Variants in LURAP1 observed in about 807,000 individuals in gnomAD.
LURAP1 encodes leucine rich adaptor protein 1, also known as NF-kappa-B activator C1orf190.
Under a neutral mutation model 19.0 loss-of-function variants are expected in LURAP1, and 14 were observed. That is an observed-to-expected ratio of 0.74 (90% CI 0.49 to 1.15). LURAP1 has a LOEUF of 1.15. LURAP1 is among the 50% of genes most tolerant of loss of function. The pLI is 0.00. For missense variants in LURAP1, 273 were observed against 309.1 expected, an observed-to-expected ratio of 0.88 and a Z score of 0.87; for synonymous variants, 129 against 131.8, an observed-to-expected ratio of 0.98 and a Z score of 0.14.
rs956387298 is a variant in LURAP1, at chr1:46,220,376, G to T, written c.*156G>T. The T allele has an allele frequency of 1.4e-6, 1 of 739,250 alleles. No homozygotes were observed. The highest frequency in any genetic ancestry group is 2.1e-6 in the Non-Finnish European group (1 of 465,236). The allele number at this position is 739,250 out of a possible 1,614,324, so 45.8% of individuals were successfully genotyped here. A position where few individuals can be genotyped will look rare whatever the true frequency, so the allele number is the denominator to read the frequency against. ...TCATCATTTCTCTAGTCCCTAGGGA[G>T]TCTCTGCCTTTATCCCTCAATTATT... On this transcript the variant is annotated 3_prime_UTR_variant, in exon 2 of 2. Transcript: ENST00000371980.
intron 1 of LURAP1, among the ~76,000 whole-genome samples, chr1:46,213,208 C>T (rs1458873587): frequency 2.0e-5 from 3 of 151,194 alleles, no homozygotes; most frequent in Non-Finnish European, 2.9e-5. Flanking sequence ...TACGATGTTT[C>T]GATGAACAGC....
rs1457534002 is a variant in LURAP1 at position 46,221,002 on chromosome 1, C to T, written c.*782C>T. 1.3e-5 allele frequency: 2 copies of T among 152,226 alleles called. No individual in the cohort carries two copies. The highest frequency in any genetic ancestry group is 3.8e-4 in the East Asian group (2 of 5,200). The allele number at this position is 152,226 out of a possible 1,614,324, so 9.4% of individuals were successfully genotyped here. A position where few individuals can be genotyped will look rare whatever the true frequency, so the allele number is the denominator to read the frequency against. On this transcript the variant is annotated 3_prime_UTR_variant, in exon 2 of 2. Coordinates refer to ENST00000371980, the MANE Select transcript of LURAP1 (RefSeq NM_001013615.3). ...CCCAGAAGCGTTTGGGCTGGTAGAC[C>T]CACCCCTTCCTACCTGCTGAGTGAT...
At chr1:46,216,689 C>A (rs563426835) in intron 1 of LURAP1, among the ~76,000 whole-genome samples, 2 of 152,244 alleles carry the variant, frequency 1.3e-5, no homozygotes, top group Admixed American at 1.3e-4. Context: ...AGGTTTGTTA[C>A]ATGGGTATAT....
intron 1 of LURAP1, among the ~76,000 whole-genome samples, chr1:46,212,344 G>T (rs973926572): frequency 2.0e-5 from 3 of 150,560 alleles, no homozygotes; most frequent in African/African-American, 7.4e-5. Context: ...GCAGTGGCGC[G>T]ATCTCAGCTC....
chr1:46,203,683 G>T, intron 1 of LURAP1, 59 bp downstream of exon 1: 2 of 1,505,796 alleles, frequency 1.3e-6, no homozygotes, highest in South Asian at 1.2e-5. Flanking sequence ...CGGGAGGGAC[G>T]AACTCATGCT....
At chr1:46,209,778 TG>T (rs1658837254) in intron 1 of LURAP1, among the ~76,000 whole-genome samples, 1 of 152,010 alleles carries the variant, frequency 6.6e-6, no homozygotes, top group African/African-American at 2.4e-5. Flanking sequence ...CCCAAAGTGC[TG>T]GGATTACAAG....
intron 1 of LURAP1, among the ~76,000 whole-genome samples, chr1:46,207,372 G>A (rs932384145): frequency 1.1e-4 from 17 of 147,912 alleles, no homozygotes; most frequent in African/African-American, 3.0e-4. Flanking sequence ...GAGCCACTGC[G>A]CCCATCCTAG....
At chr1:46,205,997 C>T (rs1245948897) in intron 1 of LURAP1, among the ~76,000 whole-genome samples, 1 of 152,216 alleles carries the variant, frequency 6.6e-6, no homozygotes, top group Non-Finnish European at 1.5e-5. Context: ...TAGGCCTCGT[C>T]CCTCCTGCTT....
At position 46,219,998 on chromosome 1, in the gene LURAP1, T is replaced by A. The variant is rs1316399045; in HGVS notation, c.498T>A (p.Arg166=). ...AACAGGGCCCACCTGGGGCTCCACG[T>A]TCCGAGATGGACTGGGCAAAAGTTA... ...LDEQGPPGAP[R]SEMDWAKVIA... Residue 166 remains arginine (R), a synonymous_variant, in exon 2 of 2, where the codon CGT becomes CGA. Coordinates refer to ENST00000371980, the MANE Select transcript of LURAP1 (RefSeq NM_001013615.3). 4 of 1,614,104 alleles carry A rather than the reference T, an allele frequency of 2.5e-6. No homozygotes were observed. The Admixed American group carries it at 6.7e-5, about 27-fold the overall frequency.
chr1:46,216,581 A>C lies in LURAP1; in HGVS notation c.199-3118A>C, dbSNP rs145160452. ...GATCTCAAACTCCTAGACTCAAGTGATCCTCCTCTCTTGGCCTCTCCAAGT... is the reference window on the plus strand; with the variant it reads ...GATCTCAAACTCCTAGACTCAAGTGCTCCTCCTCTCTTGGCCTCTCCAAGT... On this transcript the variant is annotated intron_variant, in intron 1 of 1. Transcript: ENST00000371980. 4.1e-3 allele frequency among the ~76,000 whole-genome samples: 627 copies of C among 152,162 alleles called. 7 individuals are homozygous for C. Among genetic ancestry groups the C allele is most frequent in the African/African-American group, 0.014 (589 of 41,500 alleles).
At chr1:46,213,919 G>T (rs1658981132) in intron 1 of LURAP1, among the ~76,000 whole-genome samples, 1 of 151,962 alleles carries the variant, frequency 6.6e-6, no homozygotes, top group South Asian at 2.1e-4. Context: ...AGATCATCCT[G>T]TAGTGAGGCT....
chr1:46,215,180 C>T (rs932143593), intron 1 of LURAP1, among the ~76,000 whole-genome samples: 1 of 145,774 alleles, frequency 6.9e-6, no homozygotes, highest in East Asian at 2.0e-4. Flanking sequence ...AAGCCAAGAT[C>T]GCACCATTGC....
intron 1 of LURAP1, among the ~76,000 whole-genome samples, chr1:46,213,597 G>A (rs1184862391): frequency 6.6e-5 from 10 of 151,998 alleles, no homozygotes; most frequent in Non-Finnish European, 5.9e-5. Context: ...AATGGCTTAC[G>A]CCTGTAATCA....
At chr1:46,214,867 C>A (rs866953666) in intron 1 of LURAP1, among the ~76,000 whole-genome samples, 1,275 of 89,386 alleles carry the variant, frequency 0.014, no homozygotes, top group African/African-American at 0.016. Context: ...GACTCCATCT[C>A]AAAAAAAAAA....
intron 1 of LURAP1, among the ~76,000 whole-genome samples, chr1:46,209,661 C>T (rs914050475): frequency 6.6e-6 from 1 of 151,628 alleles, no homozygotes; most frequent in Non-Finnish European, 1.5e-5. Context: ...TACATGCACC[C>T]GCCACCACAC....
chr1:46,204,168 T>C (rs1658639730), intron 1 of LURAP1, among the ~76,000 whole-genome samples: 2 of 152,132 alleles, frequency 1.3e-5, no homozygotes, highest in East Asian at 3.8e-4. Context: ...CTACTTAAAA[T>C]AATGGAAAGT....
chr1:46,211,182 A>G (rs1489972762), intron 1 of LURAP1, among the ~76,000 whole-genome samples: 1 of 152,094 alleles, frequency 6.6e-6, no homozygotes, highest in African/African-American at 2.4e-5. Context: ...AAACCCAGCA[A>G]AGCCTGTCTG....
chr1:46,210,485 C>T (rs1450123576), intron 1 of LURAP1, among the ~76,000 whole-genome samples: 1 of 152,152 alleles, frequency 6.6e-6, no homozygotes, highest in Non-Finnish European at 1.5e-5. Context: ...AAGACTGTCC[C>T]CCTCTTCAGA....
At chr1:46,208,773 G>A (rs1052588231) in intron 1 of LURAP1, among the ~76,000 whole-genome samples, 1 of 152,036 alleles carries the variant, frequency 6.6e-6, no homozygotes, top group African/African-American at 2.4e-5. Flanking sequence ...CCCTGGAGGC[G>A]GAGGTTGCAA....
Sources: gnomAD v4.1 joint callset for allele counts (sites outside exome capture counted in the v4.1 genomes callset) on GRCh38, gnomAD v4.1.1 for gene constraint, MANE v1.5 for transcripts, NCBI Gene and HGNC (gene_info 2026-07-23, HGNC 2026-07-21) for gene names.